Variants in LNPEP observed in about 807,000 individuals in gnomAD.
The protein encoded by LNPEP is leucyl and cystinyl aminopeptidase, also known as leucyl-cystinyl aminopeptidase.
In LNPEP, 64 loss-of-function variants were observed where a neutral mutation model predicts 120.6. That is an observed-to-expected ratio of 0.53 (90% CI 0.43 to 0.65). The LOEUF (loss-of-function observed/expected upper bound fraction) is 0.65. Among genes scored for constraint, LNPEP ranks in the 30% least tolerant of loss-of-function variants. LNPEP has a pLI of 0.00. For missense variants in LNPEP, 1,057 were observed against 1,200.0 expected (o/e 0.88, Z 1.76); for synonymous variants, 435 against 425.4 (o/e 1.02, Z -0.28).
intron 13 of LNPEP, among the ~76,000 whole-genome samples, chr5:97,021,923 GTTTTTTTTTTTTTTT>G (rs1165456605): frequency 1.7e-5 from 1 of 57,170 alleles, no homozygotes; most frequent in Non-Finnish European, 3.1e-5. Context: ...TTTGTCTTTT[GTTTTTTTTTTTTTTT>G]TTTTTTTTTT....
intron 11 of LNPEP, among the ~76,000 whole-genome samples, chr5:97,012,157 T>C (rs1424983140): frequency 6.6e-6 from 1 of 152,160 alleles, no homozygotes; most frequent in African/African-American, 2.4e-5. Flanking sequence ...AAATGAAATA[T>C]TATGAAGATA....
chr5:96,968,826 CAT>C (rs751682090), intron 1 of LNPEP, among the ~76,000 whole-genome samples: 7 of 152,052 alleles, frequency 4.6e-5, no homozygotes, highest in African/African-American at 9.7e-5. Context: ...ATGTTTGTAA[CAT>C]GTGTATGGTC....
intron 13 of LNPEP, among the ~76,000 whole-genome samples, chr5:97,019,584 G>A (rs964320924): frequency 4.6e-5 from 7 of 152,078 alleles, no homozygotes; most frequent in African/African-American, 1.7e-4. Flanking sequence ...CCTGTAATTC[G>A]GTGGTGTAAC....
In LNPEP at chr5:97,033,442, C is replaced by T. The variant is rs76290380; in HGVS notation, c.*4909C>T. The T allele has an allele frequency of 6.6e-6, 1 of 152,140 alleles. No individual in the cohort carries two copies. Among genetic ancestry groups the T allele is most frequent in the African/African-American group, 2.4e-5 (1 of 41,428 alleles). 9.4% of individuals were successfully genotyped at this position (152,140 alleles called of 1,614,324 possible). A position where few individuals can be genotyped will look rare whatever the true frequency, so the allele number is the denominator to read the frequency against. On this transcript the variant is annotated 3_prime_UTR_variant, in exon 18 of 18. Transcript: ENST00000231368. ...ATAACAGTCTCCTCTTTTCCCTTTCCCTTATTGCCCATGTGGGCAATACTT... is the reference window on the plus strand; with the variant it reads ...ATAACAGTCTCCTCTTTTCCCTTTCTCTTATTGCCCATGTGGGCAATACTT...
chr5:97,019,006 A>G (rs1192928847), intron 13 of LNPEP, among the ~76,000 whole-genome samples: 2 of 152,220 alleles, frequency 1.3e-5, no homozygotes, highest in African/African-American at 4.8e-5. Flanking sequence ...CTTTTGCAAT[A>G]AAAACTGACA....
At chr5:96,983,735 C>G (rs1790178623) in intron 2 of LNPEP, among the ~76,000 whole-genome samples, 1 of 152,214 alleles carries the variant, frequency 6.6e-6, no homozygotes, top group Admixed American at 6.5e-5. Context: ...GCGTGAGCCA[C>G]CTGGCCTGGA....
intron 1 of LNPEP, among the ~76,000 whole-genome samples, chr5:96,940,011 T>G (rs919576755): frequency 7.2e-5 from 11 of 152,220 alleles, no homozygotes; most frequent in African/African-American, 2.4e-4. Flanking sequence ...CTCTGTGTGA[T>G]GGAATATAAG....
intron 1 of LNPEP, among the ~76,000 whole-genome samples, chr5:96,939,084 C>T (rs2112552786): frequency 6.6e-6 from 1 of 151,908 alleles, no homozygotes; most frequent in East Asian, 1.9e-4. Flanking sequence ...TCTTCATTTG[C>T]ATGCAGGGTT....
intron 1 of LNPEP, among the ~76,000 whole-genome samples, chr5:96,946,971 A>G (rs546811273): frequency 1.3e-5 from 2 of 152,334 alleles, no homozygotes; most frequent in South Asian, 4.1e-4. Flanking sequence ...AATAACTCAC[A>G]GATACTCATT....
At chr5:97,019,421 AATG>A (rs1791137937) in intron 13 of LNPEP, among the ~76,000 whole-genome samples, 1 of 152,172 alleles carries the variant, frequency 6.6e-6, no homozygotes, top group Non-Finnish European at 1.5e-5. Context: ...TACTTATAAA[AATG>A]ATATTTTGTA....
chr5:97,017,519 C>G (rs38029), intron 13 of LNPEP, among the ~76,000 whole-genome samples: 94,846 of 151,772 alleles, frequency 0.62, 29,792 homozygotes, highest in Middle Eastern at 0.74. Context: ...TAGATATTCT[C>G]TGTTCTCTTC....
At chr5:96,988,073 C>G (rs544687481) in intron 4 of LNPEP, among the ~76,000 whole-genome samples, 2 of 150,894 alleles carry the variant, frequency 1.3e-5, no homozygotes, top group African/African-American at 4.9e-5. Flanking sequence ...GGTATAAAAC[C>G]CCCAGCACTT....
intron 1 of LNPEP, among the ~76,000 whole-genome samples, chr5:96,938,345 C>G (rs928185791): frequency 3.3e-5 from 5 of 152,176 alleles, no homozygotes; most frequent in African/African-American, 1.2e-4. Context: ...CGTTCATCCT[C>G]TTTTAATGGA....
At chr5:96,963,516 T>G (rs556310502) in intron 1 of LNPEP, among the ~76,000 whole-genome samples, 145 of 152,258 alleles carry the variant, frequency 9.5e-4, no homozygotes, top group Middle Eastern at 6.8e-3. Context: ...TCCATGTGGT[T>G]CCTCGTCCCC....
chr5:96,960,739 A>G (rs1789582244), intron 1 of LNPEP, among the ~76,000 whole-genome samples: 1 of 152,232 alleles, frequency 6.6e-6, no homozygotes, highest in Admixed American at 6.5e-5. Context: ...CTTTTCTATT[A>G]GAAATTATAC....
Position 97,035,265 on chromosome 5 carries a change from T to G in LNPEP, c.*6732T>G, listed in dbSNP as rs1413676975. On this transcript the variant is annotated 3_prime_UTR_variant, in exon 18 of 18. Transcript: ENST00000231368. ...TATAAATGTTTCATGTTATTGGTTT[T>G]GTACCTAGTCCTTTGCATGGATATA... The G allele has an allele frequency of 2.6e-5, 4 of 152,104 alleles. No homozygotes were observed. Among genetic ancestry groups the G allele is most frequent in the Non-Finnish European group, 5.9e-5 (4 of 67,974 alleles). The allele number at this position is 152,104 out of a possible 1,614,324, so 9.4% of individuals were successfully genotyped here.
chr5:96,987,758 T>C (rs1023571837), intron 4 of LNPEP, among the ~76,000 whole-genome samples: 1 of 152,230 alleles, frequency 6.6e-6, no homozygotes, highest in Admixed American at 6.5e-5. Flanking sequence ...TGAAAGACTT[T>C]ATGTCAAGGA....
intron 1 of LNPEP, among the ~76,000 whole-genome samples, chr5:96,952,791 C>T (rs762467110): frequency 1.5e-4 from 20 of 131,710 alleles, no homozygotes; most frequent in African/African-American, 4.6e-4. Context: ...AGCCCCTCAA[C>T]GAAAACATAA....
intron 2 of LNPEP, 138 bp from the exon 3 acceptor site, chr5:96,984,942 A>G: frequency 1.2e-6 from 1 of 869,056 alleles, no homozygotes; most frequent in East Asian, 2.5e-5. Flanking sequence ...TGTTCATTGT[A>G]TAAACCTCTG....
Sources: allele counts gnomAD v4.1 joint callset (sites outside exome capture counted in the v4.1 genomes callset), GRCh38; gene constraint gnomAD v4.1.1; transcripts MANE v1.5; gene names NCBI Gene and HGNC (gene_info 2026-07-23, HGNC 2026-07-21).